ULK4: variants seen among roughly 807,000 people sequenced by gnomAD.
The protein encoded by ULK4 is unc-51 like kinase 4.
ULK4 carries 133 observed loss-of-function variants against 160.6 expected under a neutral mutation model. The ratio of observed to expected loss-of-function variants is 0.83; its 90% CI spans 0.72 to 0.96. The LOEUF (loss-of-function observed/expected upper bound fraction) is 0.96, where lower values mean the gene tolerates loss of function less well. Among genes scored for constraint, ULK4 ranks in the 40% least tolerant of loss-of-function variants. The pLI is 0.00. For synonymous variants in ULK4, 534 were observed against 539.8 expected, an observed-to-expected ratio of 0.99 and a Z score of 0.15; for missense variants, 1,580 against 1,499.5, an observed-to-expected ratio of 1.05 and a Z score of -0.89.
chr3:41,404,129 T>C (rs150168414), intron 34 of ULK4, among the ~76,000 whole-genome samples: 2 of 152,238 alleles, frequency 1.3e-5, no homozygotes, highest in East Asian at 3.9e-4. Context: ...AATTTTTCTA[T>C]ATTCTTGATT....
chr3:41,774,053 C>T (rs1408614753), intron 21 of ULK4, among the ~76,000 whole-genome samples: 1 of 152,126 alleles, frequency 6.6e-6, no homozygotes, highest in Non-Finnish European at 1.5e-5. Context: ...CTTCCTTACA[C>T]CTTATACAAA....
At chr3:41,536,553 C>T (rs2086506236) in intron 32 of ULK4, among the ~76,000 whole-genome samples, 1 of 152,138 alleles carries the variant, frequency 6.6e-6, no homozygotes, top group East Asian at 1.9e-4. Flanking sequence ...AAATAGTTAA[C>T]ACATTGTGGG....
intron 21 of ULK4, among the ~76,000 whole-genome samples, chr3:41,786,841 A>G (rs2040011775): frequency 6.6e-6 from 1 of 152,126 alleles, no homozygotes; most frequent in African/African-American, 2.4e-5. Context: ...TGACAGATAC[A>G]TGGAAAGAAG....
At chr3:41,433,790 G>A (rs1575553119) in intron 34 of ULK4, among the ~76,000 whole-genome samples, 1 of 152,086 alleles carries the variant, frequency 6.6e-6, no homozygotes, top group African/African-American at 2.4e-5. Context: ...CGCGATCCAG[G>A]CTCACTGCAA....
At chr3:41,826,846 C>A (rs981111143) in intron 18 of ULK4, among the ~76,000 whole-genome samples, 1 of 143,848 alleles carries the variant, frequency 7.0e-6, no homozygotes, top group East Asian at 2.0e-4. Flanking sequence ...CCCAAATCAA[C>A]AGAATATACA....
chr3:41,281,123 G>T (rs1016746642), intron 35 of ULK4, among the ~76,000 whole-genome samples: 2 of 152,142 alleles, frequency 1.3e-5, no homozygotes, highest in Non-Finnish European at 2.9e-5. Context: ...TTGAATCTCT[G>T]AACAGACCAA....
At chr3:41,447,167 C>A (rs867427674) in intron 34 of ULK4, among the ~76,000 whole-genome samples, 2 of 151,420 alleles carry the variant, frequency 1.3e-5, no homozygotes, top group Admixed American at 1.3e-4. Context: ...GCATGACCCA[C>A]GTTTCACAGT....
chr3:41,885,039 G>A (rs1697671493), intron 16 of ULK4, among the ~76,000 whole-genome samples: 1 of 152,016 alleles, frequency 6.6e-6, no homozygotes, highest in Admixed American at 6.5e-5. Flanking sequence ...TTTACTTTTT[G>A]TAGAGATGGG....
At chr3:41,792,219 TAAC>T (rs886228522) in intron 20 of ULK4, among the ~76,000 whole-genome samples, 1 of 152,134 alleles carries the variant, frequency 6.6e-6, no homozygotes, top group Non-Finnish European at 1.5e-5. Context: ...TATGTCCATG[TAAC>T]AACAGAAAAA....
At chr3:41,865,548 C>T (rs151134327) in intron 17 of ULK4, among the ~76,000 whole-genome samples, 8 of 152,202 alleles carry the variant, frequency 5.3e-5, no homozygotes, top group South Asian at 2.1e-4. Context: ...TCTACTTAAC[C>T]GTTGCTCCTT....
At chr3:41,862,799 C>T (rs1320687656) in intron 17 of ULK4, among the ~76,000 whole-genome samples, 2 of 144,416 alleles carry the variant, frequency 1.4e-5, no homozygotes, top group African/African-American at 5.3e-5. Flanking sequence ...TCCCCCCCCC[C>T]TTTCTCTCTC....
At chr3:41,778,116 A>T (rs1191549413) in intron 21 of ULK4, among the ~76,000 whole-genome samples, 1 of 125,400 alleles carries the variant, frequency 8.0e-6, no homozygotes, top group South Asian at 2.4e-4. Context: ...CCTTAAGCTG[A>T]TAAGCAACTT....
intron 35 of ULK4, among the ~76,000 whole-genome samples, chr3:41,385,032 C>T (rs963377695): frequency 4.9e-4 from 74 of 151,758 alleles, no homozygotes; most frequent in African/African-American, 1.7e-3. Flanking sequence ...CCTGCCTGAA[C>T]AACAGAGAGA....
chr3:41,378,473 T>G (rs1242995128), intron 35 of ULK4, among the ~76,000 whole-genome samples: 2 of 151,900 alleles, frequency 1.3e-5, no homozygotes, highest in Admixed American at 6.6e-5. Flanking sequence ...TGAGTTCATG[T>G]CCTTTGTAGG....
intron 35 of ULK4, among the ~76,000 whole-genome samples, chr3:41,288,749 T>C (rs1303966880): frequency 1.3e-5 from 2 of 152,198 alleles, no homozygotes; most frequent in East Asian, 3.8e-4. Context: ...TGAGGGACCT[T>C]ATACCCCCAG....
At chr3:41,625,394 T>C (rs1284123753) in intron 30 of ULK4, among the ~76,000 whole-genome samples, 2 of 152,180 alleles carry the variant, frequency 1.3e-5, no homozygotes, top group African/African-American at 2.4e-5. Flanking sequence ...TCTCCTTACT[T>C]TAAGCATCTC....
At chr3:41,783,255 T>C (rs751886236) in intron 21 of ULK4, among the ~76,000 whole-genome samples, 7 of 152,052 alleles carry the variant, frequency 4.6e-5, no homozygotes, top group Non-Finnish European at 1.0e-4. Context: ...GACGGAGTCT[T>C]AGCCAGAGCA....
intron 35 of ULK4, among the ~76,000 whole-genome samples, chr3:41,311,965 T>C (rs547853008): frequency 1.3e-5 from 2 of 150,518 alleles, no homozygotes; most frequent in Admixed American, 1.3e-4. Context: ...CACACATTTA[T>C]TTTATTTTAT....
intron 35 of ULK4, among the ~76,000 whole-genome samples, chr3:41,281,215 C>T (rs779030234): frequency 6.6e-6 from 1 of 152,158 alleles, no homozygotes; most frequent in Non-Finnish European, 1.5e-5. Context: ...CAGAATTCTA[C>T]TAGAGGTACA....
Sources: allele counts gnomAD v4.1 joint callset (sites outside exome capture counted in the v4.1 genomes callset), GRCh38; gene constraint gnomAD v4.1.1; transcripts MANE v1.5; gene names NCBI Gene and HGNC (gene_info 2026-07-23, HGNC 2026-07-21).